The following SNX29 variants were observed in gnomAD, a reference collection of about 807,000 sequenced individuals.
SNX29 encodes sorting nexin-29.
SNX29 carries 78 observed loss-of-function variants against 102.1 expected under a neutral mutation model. The observed-to-expected ratio is 0.76, with a 90% CI of 0.64 to 0.92. The LOEUF (loss-of-function observed/expected upper bound fraction) is 0.92. Ranked by LOEUF, SNX29 falls within the 40% of genes least tolerant of loss-of-function variation. SNX29 has a pLI of 0.00. For missense variants in SNX29, 1,280 were observed against 1,061.7 expected, an observed-to-expected ratio of 1.21 and a Z score of -2.86; for synonymous variants, 580 against 414.5, an observed-to-expected ratio of 1.40 and a Z score of -4.85.
At position 12,341,810 on chromosome 16, in the gene SNX29, C is replaced by G. The variant is rs995852885; in HGVS notation, c.1783-14353C>G. On this transcript the variant is annotated intron_variant, in intron 15 of 20. Coordinates refer to ENST00000566228, the MANE Select transcript of SNX29 (RefSeq NM_032167.5). ...CTGTTGTGCAGAGGGGGCTGGGAAG[C>G]TTGGGGAGCAGGTAGGGTGCATGGT... Among the ~76,000 whole-genome samples, 9 of 152,188 alleles carry G rather than the reference C, an allele frequency of 5.9e-5. No homozygotes were observed. The East Asian group carries it at 1.3e-3, about 23-fold the overall frequency.
At chr16:12,518,535 T>G (rs552624245) in intron 19 of SNX29, among the ~76,000 whole-genome samples, 116 of 152,270 alleles carry the variant, frequency 7.6e-4, no homozygotes, top group African/African-American at 2.7e-3. Context: ...AGGGGCTGCT[T>G]CCTTGCAGTG....
chr16:12,465,840 T>G (rs996213507), intron 18 of SNX29, among the ~76,000 whole-genome samples: 5 of 87,822 alleles, frequency 5.7e-5, no homozygotes, highest in African/African-American at 4.2e-4. Context: ...TTGTTTGTGT[T>G]TTTTTTTTTC....
chr16:12,559,366 C>T (rs1278971696), intron 20 of SNX29, among the ~76,000 whole-genome samples: 3 of 151,498 alleles, frequency 2.0e-5, no homozygotes, highest in Non-Finnish European at 4.4e-5. Context: ...GAATCTCATG[C>T]CTGATGATCT....
intron 19 of SNX29, among the ~76,000 whole-genome samples, chr16:12,502,180 GCCT>G (rs1417754622): frequency 2.0e-5 from 3 of 152,194 alleles, no homozygotes; most frequent in Non-Finnish European, 4.4e-5. Flanking sequence ...GTCTGATGAG[GCCT>G]CCTCTGGGCA....
intron 13 of SNX29, among the ~76,000 whole-genome samples, chr16:12,134,411 G>A (rs538966673): frequency 1.1e-4 from 16 of 152,268 alleles, no homozygotes; most frequent in African/African-American, 3.4e-4. Flanking sequence ...CAAGCTGTTG[G>A]CCAGAGTTGC....
chr16:12,552,952 G>T (rs1448701740), intron 20 of SNX29, among the ~76,000 whole-genome samples: 1 of 152,236 alleles, frequency 6.6e-6, no homozygotes, highest in Non-Finnish European at 1.5e-5. Flanking sequence ...ACGTCATCAG[G>T]AACATGGATT....
intron 11 of SNX29, among the ~76,000 whole-genome samples, chr16:12,107,097 T>G: frequency 6.6e-6 from 1 of 152,182 alleles, no homozygotes; most frequent in East Asian, 1.9e-4. Context: ...GGATTCCAGG[T>G]GCGGGCCACG....
intron 11 of SNX29, among the ~76,000 whole-genome samples, chr16:12,109,345 A>G (rs2053409304): frequency 6.6e-6 from 1 of 151,920 alleles, no homozygotes; most frequent in African/African-American, 2.4e-5. Flanking sequence ...CCACCACTCC[A>G]AAAATGGGCC....
At chr16:12,544,263 C>T (rs192993616) in intron 20 of SNX29, among the ~76,000 whole-genome samples, 1 of 152,342 alleles carries the variant, frequency 6.6e-6, no homozygotes, top group East Asian at 1.9e-4. Context: ...CAGATTGCAA[C>T]TCAGGACTTT....
chr16:12,481,474 A>T (rs1372813419), intron 19 of SNX29, among the ~76,000 whole-genome samples: 1 of 138,150 alleles, frequency 7.2e-6, no homozygotes, highest in Non-Finnish European at 1.6e-5. Flanking sequence ...ATACACATAT[A>T]TACACACATA....
intron 1 of SNX29, among the ~76,000 whole-genome samples, chr16:11,985,831 A>G (rs1014871459): frequency 6.9e-6 from 1 of 144,932 alleles, no homozygotes; most frequent in Non-Finnish European, 1.5e-5. Flanking sequence ...GAATTGCCTT[A>G]TCTTTTTTTT....
intron 13 of SNX29, among the ~76,000 whole-genome samples, chr16:12,161,974 C>T (rs2055804321): frequency 6.6e-6 from 1 of 152,194 alleles, no homozygotes; most frequent in Non-Finnish European, 1.5e-5. Flanking sequence ...CTAATACAGT[C>T]TTTCCACAAT....
intron 14 of SNX29, among the ~76,000 whole-genome samples, chr16:12,259,485 G>A (rs930710638): frequency 2.0e-5 from 3 of 152,136 alleles, no homozygotes; most frequent in East Asian, 1.9e-4. Context: ...CCTCCAGCCC[G>A]CAGCCCCCAC....
intron 11 of SNX29, among the ~76,000 whole-genome samples, chr16:12,079,513 T>TA (rs113424529): frequency 4.7e-5 from 7 of 149,418 alleles, no homozygotes; most frequent in African/African-American, 7.3e-5. Context: ...TGTTCCCAAT[T>TA]AAAAAAAAAA....
rs185763962 is a variant in SNX29 at position 12,288,395 on chromosome 16, G to A, written c.1782+10359G>A. ...CCCCTTAATCTACACATAAGTAAAA[G>A]TACCTACAAATGTGACTGCAAAACT... On this transcript the variant is annotated intron_variant, in intron 15 of 20. Coordinates refer to ENST00000566228, the MANE Select transcript of SNX29 (RefSeq NM_032167.5). Among the ~76,000 whole-genome samples the A allele has an allele frequency of 3.2e-4, 48 of 152,270 alleles. 1 individual carries two copies. In the East Asian group the frequency reaches 8.3e-3, roughly 26 times the overall value.
intron 18 of SNX29, among the ~76,000 whole-genome samples, chr16:12,459,048 C>G (rs2086658368): frequency 8.5e-6 from 1 of 117,894 alleles, no homozygotes; most frequent in African/African-American, 3.2e-5. Context: ...CCCCCTCCTG[C>G]TGTCTTCTTC....
At chr16:12,535,386 T>C (rs764576116) in intron 20 of SNX29, among the ~76,000 whole-genome samples, 1 of 152,234 alleles carries the variant, frequency 6.6e-6, no homozygotes, top group Non-Finnish European at 1.5e-5. Context: ...TTCACCCATC[T>C]CGGCCTCCCA....
intron 19 of SNX29, among the ~76,000 whole-genome samples, chr16:12,523,407 CCTTG>C (rs1279096401): frequency 6.6e-6 from 1 of 152,252 alleles, no homozygotes; most frequent in African/African-American, 2.4e-5. Flanking sequence ...TGTTTCTTCA[CCTTG>C]CTTGGTCTTC....
chr16:12,263,048 G>A (rs989012127), intron 14 of SNX29, among the ~76,000 whole-genome samples: 8 of 152,120 alleles, frequency 5.3e-5, no homozygotes, highest in East Asian at 1.9e-4. Flanking sequence ...TTGCCGTGGT[G>A]CTGGGCACTT....
Sources: gnomAD v4.1 joint callset for allele counts (sites outside exome capture counted in the v4.1 genomes callset) on GRCh38, gnomAD v4.1.1 for gene constraint, MANE v1.5 for transcripts, NCBI Gene and HGNC (gene_info 2026-07-23, HGNC 2026-07-21) for gene names.